INTS6L: variants seen among roughly 807,000 people sequenced by gnomAD.
The protein encoded by INTS6L is integrator complex subunit 6 like.
A neutral mutation model predicts 64.7 loss-of-function variants in INTS6L; 18 were observed. That is an observed-to-expected ratio of 0.28 (90% CI 0.19 to 0.41). The LOEUF (loss-of-function observed/expected upper bound fraction) is 0.41, where lower values mean the gene tolerates loss of function less well. Among genes scored for constraint, INTS6L ranks in the 10% least tolerant of loss-of-function variants. The probability of loss-of-function intolerance (pLI) is 1.00; values close to 1 mark genes in which losing one functional copy is unlikely to be tolerated. For synonymous variants in INTS6L, 227 were observed against 235.9 expected (o/e 0.96, Z 0.34); for missense variants, 533 against 661.0 (o/e 0.81, Z 2.12).
intron 7 of INTS6L, among the ~76,000 whole-genome samples, chrX:135,550,539 A>G (rs782077207): frequency 9.2e-6 from 1 of 109,084 alleles, no homozygotes; most frequent in East Asian, 2.9e-4. Context: ...AGAGGGCCTG[A>G]GTAATCTCCC....
At chrX:135,531,815 A>C (rs2085920117) in intron 2 of INTS6L, among the ~76,000 whole-genome samples, 1 of 111,676 alleles carries the variant, frequency 9.0e-6, no homozygotes, top group Non-Finnish European at 1.9e-5. Flanking sequence ...TGTCTCTTCT[A>C]CCCTCTGAGT....
intron 6 of INTS6L, among the ~76,000 whole-genome samples, chrX:135,548,047 G>GTATA (rs5903902): frequency 0.019 from 1,956 of 101,361 alleles, 48 homozygotes; most frequent in African/African-American, 0.066. Flanking sequence ...ATGTGTAAGT[G>GTATA]TATATATATA....
At chrX:135,562,608 A>G (rs1556522812) in intron 9 of INTS6L, among the ~76,000 whole-genome samples, 2 of 112,063 alleles carry the variant, frequency 1.8e-5, no homozygotes, top group African/African-American at 3.2e-5. Context: ...GTCTCCAACT[A>G]TAATTGTGGA....
At chrX:135,532,220 G>T (rs2085929426) in intron 2 of INTS6L, among the ~76,000 whole-genome samples, 1 of 112,276 alleles carries the variant, frequency 8.9e-6, no homozygotes, top group South Asian at 3.7e-4. Flanking sequence ...ATTCCAGGGA[G>T]AATATCTAGC....
intron 6 of INTS6L, among the ~76,000 whole-genome samples, chrX:135,549,238 A>G (rs1446168656): frequency 8.9e-6 from 1 of 112,534 alleles, no homozygotes; most frequent in East Asian, 2.8e-4. Flanking sequence ...GACTCCAGAA[A>G]TGTAAAAACT....
chrX:135,530,895 A>T (rs1298246233), intron 2 of INTS6L, among the ~76,000 whole-genome samples: 1 of 111,665 alleles, frequency 9.0e-6, no homozygotes, highest in African/African-American at 3.3e-5. Context: ...TTTATAGAAA[A>T]AGTAGAATTC....
intron 2 of INTS6L, among the ~76,000 whole-genome samples, chrX:135,534,286 A>G (rs2085989477): frequency 9.1e-6 from 1 of 109,948 alleles, no homozygotes; most frequent in Admixed American, 1.0e-4. Context: ...AGTGGAATCA[A>G]ACTGTGAATC....
rs782808043 is a variant in INTS6L at position 135,574,046 on chromosome X, T to C, written c.1725T>C (p.Ile575=). ...ATCTGCTGAAAACGCACAAGTTTAT[T>C]GTTGGACAAGATGAAGGTAAAATAA... ...RSNLLKTHKF[I]VGQDEDSLHS... is the part of the protein sequence containing the mutation. Residue 575 remains isoleucine, a synonymous_variant, in exon 13 of 18, where the codon ATT becomes ATC. Transcript: ENST00000639893. 3.0e-5 allele frequency: 36 copies of C among 1,191,643 alleles called. No homozygotes were observed. Among genetic ancestry groups the C allele is most frequent in the Non-Finnish European group, 3.8e-5 (34 of 889,538 alleles).
At position 135,580,973 on chromosome X, in the gene INTS6L, C is replaced by G. The variant is rs151174034; in HGVS notation, c.2495-77C>G. The stretch of plus-strand genomic sequence containing the variant: ...ACTTTCCACTCACGAAGAACAATTA[C>G]TAAGGATGTACAACAATTAAATTTT... On this transcript the variant is annotated intron_variant, in intron 16 of 17. Coordinates refer to ENST00000639893, the MANE Select transcript of INTS6L (RefSeq NM_001351601.3). The G allele has an allele frequency of 1.8e-3, 1,288 of 706,999 alleles. 10 individuals are homozygous for G. In the African/African-American group the frequency reaches 0.025, roughly 14 times the overall value. 58.3% of individuals were successfully genotyped at this position (706,999 alleles called of 1,213,427 possible). A position where few individuals can be genotyped will look rare whatever the true frequency, so the allele number is the denominator to read the frequency against.
chrX:135,565,520 G>T (rs781897422), intron 9 of INTS6L, among the ~76,000 whole-genome samples: 3 of 111,535 alleles, frequency 2.7e-5, no homozygotes, highest in Non-Finnish European at 3.8e-5. Context: ...TTCCTCAAAT[G>T]TCAAGTGTTT....
At chrX:135,568,537 ATTATT>A (rs1258479491) in intron 9 of INTS6L, among the ~76,000 whole-genome samples, 1 of 110,371 alleles carries the variant, frequency 9.1e-6, no homozygotes, top group Admixed American at 9.6e-5. Flanking sequence ...TTTTTATTTT[ATTATT>A]TTATTTTATT....
At position 135,574,036 on chromosome X, in the gene INTS6L, A is replaced by T. The variant is rs1556529429; in HGVS notation, c.1715A>T (p.His572Leu). Reference sequence around the variant, plus strand: ...ATGAGATCCAATCTGCTGAAAACGCACAAGTTTATTGTTGGACAAGATGAA... The same window carrying T: ...ATGAGATCCAATCTGCTGAAAACGCTCAAGTTTATTGTTGGACAAGATGAA... ...TRMRSNLLKT[H>L]KFIVGQDEDS... Residue 572 changes from histidine (H) to leucine (L), a missense_variant, in exon 13 of 18, where the codon CAC becomes CTC. Physicochemically the swap from His to Leu is moderately conservative, Grantham distance 99. Coordinates refer to ENST00000639893, the MANE Select transcript of INTS6L (RefSeq NM_001351601.3). 1 of 1,201,575 alleles carries T rather than the reference A, an allele frequency of 8.3e-7. No individual in the cohort carries two copies. Among genetic ancestry groups the T allele is most frequent in the Non-Finnish European group, 1.1e-6 (1 of 892,384 alleles).
At chrX:135,569,249 A>G in intron 9 of INTS6L, 88 bp from the exon 10 acceptor site, 1 of 531,718 alleles carries the variant, frequency 1.9e-6, no homozygotes, top group East Asian at 4.1e-5. Flanking sequence ...CATCTACATT[A>G]AAAGCTGAAG....
At chrX:135,567,224 AG>A (rs1307048757) in intron 9 of INTS6L, among the ~76,000 whole-genome samples, 8 of 111,990 alleles carry the variant, frequency 7.1e-5, no homozygotes, top group African/African-American at 2.3e-4. Flanking sequence ...ATGGGGAGAA[AG>A]GAACTGGAAG....
intron 5 of INTS6L, 110 bp downstream of exon 5, chrX:135,546,995 C>A: frequency 9.1e-7 from 1 of 1,103,228 alleles, no homozygotes; most frequent in Non-Finnish European, 1.2e-6. Context: ...CCTTTTAACT[C>A]TGTTGCTTAA....
intron 8 of INTS6L, among the ~76,000 whole-genome samples, chrX:135,554,883 CTTT>C (rs35845600): frequency 2.0e-5 from 1 of 50,472 alleles, no homozygotes; most frequent in Non-Finnish European, 3.1e-5. Context: ...ACCAGCATAA[CTTT>C]TTTTTTTTTT....
At chrX:135,557,334 A>G (rs981410307) in intron 9 of INTS6L, among the ~76,000 whole-genome samples, 24 of 111,844 alleles carry the variant, frequency 2.1e-4, no homozygotes, top group African/African-American at 7.8e-4. Context: ...AGATTAGACT[A>G]TGTAATCTTC....
intron 12 of INTS6L, 21 bp downstream of exon 12, chrX:135,573,054 T>A: frequency 9.0e-7 from 1 of 1,116,566 alleles, no homozygotes; most frequent in Non-Finnish European, 1.2e-6. Context: ...ACATAAATAG[T>A]TTGTATTTGT....
At position 135,520,931 on chromosome X, in the gene INTS6L, A is replaced by T; in HGVS notation, c.-62A>T. The T allele has an allele frequency of 1.8e-6, 2 of 1,114,375 alleles. No individual in the cohort carries two copies. The allele number at this position is 1,114,375 out of a possible 1,213,427, so 91.8% of individuals were successfully genotyped here. ...GAGAGTTGAGGGTTCAGGTGGCCGT[A>T]CGCGGCAGTGAGGGCAAGAGGGCCG... On this transcript the variant is annotated 5_prime_UTR_variant, in exon 1 of 18. Transcript: ENST00000639893.
Sources: allele counts gnomAD v4.1 joint callset (sites outside exome capture counted in the v4.1 genomes callset), GRCh38; gene constraint gnomAD v4.1.1; transcripts MANE v1.5; gene names NCBI Gene and HGNC (gene_info 2026-07-23, HGNC 2026-07-21).